SYNJ2BP: variants seen among roughly 807,000 people sequenced by gnomAD.
The protein encoded by SYNJ2BP is synaptojanin-2-binding protein.
Under a neutral mutation model 16.9 loss-of-function variants are expected in SYNJ2BP, and 10 were observed. That is an observed-to-expected ratio of 0.59 (90% CI 0.36 to 1.00). The LOEUF is 1.00. SYNJ2BP is among the 50% of genes least tolerant of loss of function. The pLI, the probability that SYNJ2BP is intolerant of heterozygous loss-of-function variation, is 0.01. For missense variants in SYNJ2BP, 162 were observed against 186.7 expected (o/e 0.87, Z 0.77); for synonymous variants, 54 against 68.4 (o/e 0.79, Z 1.04).
intron 1 of SYNJ2BP, among the ~76,000 whole-genome samples, chr14:70,402,531 T>C (rs1888261897): frequency 6.6e-6 from 1 of 152,000 alleles, no homozygotes; most frequent in South Asian, 2.1e-4. Context: ...TTTTAGACAC[T>C]TAATATCAGG....
intron 2 of SYNJ2BP, among the ~76,000 whole-genome samples, chr14:70,386,640 C>G (rs1887865301): frequency 6.6e-6 from 1 of 152,146 alleles, no homozygotes; most frequent in African/African-American, 2.4e-5. Context: ...GGTGGATGTT[C>G]TCTCTCTCTT....
At chr14:70,415,006 AG>A (rs1322149744) in intron 1 of SYNJ2BP, among the ~76,000 whole-genome samples, 1 of 152,150 alleles carries the variant, frequency 6.6e-6, no homozygotes, top group African/African-American at 2.4e-5. Flanking sequence ...CTTTGACAAA[AG>A]TTTAGGCGCA....
rs1008877233 is a variant in SYNJ2BP, at chr14:70,369,557, G to A, written c.*3434C>T. 2.0e-5 allele frequency: 3 copies of A among 152,158 alleles called. No individual in the cohort carries two copies. The highest frequency in any genetic ancestry group is 4.8e-5 in the African/African-American group (2 of 41,438). 9.4% of individuals were successfully genotyped at this position (152,158 alleles called of 1,614,324 possible). On this transcript the variant is annotated 3_prime_UTR_variant, in exon 4 of 4. Transcript: ENST00000256366. ...TTACCACCTACATAATCCTAGTCAA[G>A]TAATTTTTTCTCTCATTTTTAGTCT...
chr14:70,375,741 G>C lies in SYNJ2BP; in HGVS notation c.232C>G (p.His78Asp), dbSNP rs771450964. ...VNGQDLKNLL[H>D]QDAVDLFRNA... ...CGAAAGAGGTCTACAGCATCCTGGT[G>C]CAGCAGGTTCTTTAGGTCTTGGCCA... The change falls in exon 3 of 4, where the codon CAC becomes GAC. Residue 78 changes from histidine (H) to aspartate (D), a missense_variant. Transcript: ENST00000256366. The C allele has an allele frequency of 6.2e-7, 1 of 1,614,124 alleles. No individual in the cohort carries two copies. Among genetic ancestry groups the C allele is most frequent in the South Asian group, 1.1e-5 (1 of 91,084 alleles).
At chr14:70,407,286 G>C (rs1288978564) in intron 1 of SYNJ2BP, among the ~76,000 whole-genome samples, 1 of 152,124 alleles carries the variant, frequency 6.6e-6, no homozygotes, top group East Asian at 1.9e-4. Flanking sequence ...AAATTAGCCA[G>C]GCATAGTGGC....
At chr14:70,406,574 G>T (rs1011802068) in intron 1 of SYNJ2BP, among the ~76,000 whole-genome samples, 1 of 152,136 alleles carries the variant, frequency 6.6e-6, no homozygotes, top group Non-Finnish European at 1.5e-5. Context: ...GAACTTCCCC[G>T]AATTGCTCCA....
At chr14:70,407,503 T>C (rs1888373108) in intron 1 of SYNJ2BP, among the ~76,000 whole-genome samples, 1 of 142,378 alleles carries the variant, frequency 7.0e-6, no homozygotes, top group Non-Finnish European at 1.5e-5. Flanking sequence ...AGGCTAAAGT[T>C]TCTCAAAGCA....
rs754415462 is a variant in SYNJ2BP at position 70,416,881 on chromosome 14, T to C, written c.64+19A>G. 6.2e-7 allele frequency: 1 copy of C among 1,614,096 alleles called. No individual in the cohort carries two copies. Among genetic ancestry groups the C allele is most frequent in the East Asian group, 2.2e-5 (1 of 44,860 alleles). On this transcript the variant is annotated intron_variant, in intron 1 of 3. Coordinates refer to ENST00000256366, the MANE Select transcript of SYNJ2BP (RefSeq NM_018373.3). ...CCCTCTAATCCCCTACTGTCAGATA[T>C]GACCCTTTCCGCACATACCTGAGGG...
intron 1 of SYNJ2BP, among the ~76,000 whole-genome samples, chr14:70,397,273 T>TATAC (rs1888121210): frequency 6.6e-6 from 1 of 152,294 alleles, no homozygotes; most frequent in South Asian, 2.1e-4. Context: ...TCTATATATA[T>TATAC]ATATACGCCT....
chr14:70,412,500 G>A (rs1888495956), intron 1 of SYNJ2BP, among the ~76,000 whole-genome samples: 1 of 94,160 alleles, frequency 1.1e-5, no homozygotes. Flanking sequence ...TGTATGTATA[G>A]TATATATACA....
chr14:70,398,197 G>A (rs1029162599), intron 1 of SYNJ2BP, among the ~76,000 whole-genome samples: 54 of 152,134 alleles, frequency 3.5e-4, no homozygotes, highest in Non-Finnish European at 1.2e-4. Flanking sequence ...AGTGTATGCC[G>A]ACTGGTCCAT....
intron 1 of SYNJ2BP, among the ~76,000 whole-genome samples, chr14:70,393,815 T>A (rs1888030056): frequency 2.8e-5 from 4 of 142,424 alleles, no homozygotes; most frequent in East Asian, 2.1e-4. Flanking sequence ...GGGTGGGGGG[T>A]AAGGGGAGGG....
At chr14:70,416,371 G>A (rs149299136) in intron 1 of SYNJ2BP, among the ~76,000 whole-genome samples, 128 of 148,342 alleles carry the variant, frequency 8.6e-4, no homozygotes, top group African/African-American at 3.0e-3. Context: ...AACCAAGTTT[G>A]GGAACCTGTG....
chr14:70,394,234 C>T (rs961793302), intron 1 of SYNJ2BP, among the ~76,000 whole-genome samples: 2 of 152,026 alleles, frequency 1.3e-5, no homozygotes, highest in African/African-American at 4.8e-5. Flanking sequence ...TACAAAAATG[C>T]ATGCATATTT....
At chr14:70,380,883 T>C (rs1016826910) in intron 2 of SYNJ2BP, among the ~76,000 whole-genome samples, 2 of 152,202 alleles carry the variant, frequency 1.3e-5, no homozygotes, top group African/African-American at 2.4e-5. Flanking sequence ...CTTTGAATAC[T>C]GTGTAACTCT....
rs572029253 is a variant in SYNJ2BP, at chr14:70,398,616, G to C, written c.65-10010C>G. Among the ~76,000 whole-genome samples, 7 of 152,300 alleles carry C rather than the reference G, an allele frequency of 4.6e-5. No homozygotes were observed. In the South Asian group the frequency reaches 1.2e-3, roughly 27 times the overall value. On this transcript the variant is annotated intron_variant, in intron 1 of 3. Transcript: ENST00000256366. ...GGCACTGGGAGCAGGGAGAGGCCAG[G>C]CAGCAGGAAAAGACACCCCTGAGCC...
Position 70,395,916 on chromosome 14 carries a change from T to C in SYNJ2BP, c.65-7310A>G, listed in dbSNP as rs138641978. Among the ~76,000 whole-genome samples the C allele has an allele frequency of 2.0e-4, 31 of 152,340 alleles. No homozygotes were observed. In the East Asian group the frequency reaches 5.8e-3, roughly 28 times the overall value. On this transcript the variant is annotated intron_variant, in intron 1 of 3. Transcript: ENST00000256366. Reference sequence around the variant, plus strand: ...TATTCTGTGTCTTGTTTATATTGCTTAGCATAATGTCTTCAAGGTTCATTC... The same window carrying C: ...TATTCTGTGTCTTGTTTATATTGCTCAGCATAATGTCTTCAAGGTTCATTC...
At chr14:70,402,810 T>TAC (rs1888269099) in intron 1 of SYNJ2BP, among the ~76,000 whole-genome samples, 1 of 152,128 alleles carries the variant, frequency 6.6e-6, no homozygotes, top group African/African-American at 2.4e-5. Context: ...TCTAACAAGA[T>TAC]TATAGTCTCC....
intron 2 of SYNJ2BP, among the ~76,000 whole-genome samples, chr14:70,381,842 C>T (rs1364445572): frequency 6.6e-6 from 1 of 152,176 alleles, no homozygotes; most frequent in Non-Finnish European, 1.5e-5. Flanking sequence ...TTTAATATAC[C>T]CCTTTCTACA....
Sources: gnomAD v4.1 joint callset for allele counts (sites outside exome capture counted in the v4.1 genomes callset) on GRCh38, gnomAD v4.1.1 for gene constraint, MANE v1.5 for transcripts, NCBI Gene and HGNC (gene_info 2026-07-23, HGNC 2026-07-21) for gene names.